The following RBMS3 variants were observed in gnomAD, a reference collection of about 807,000 sequenced individuals.
RBMS3 encodes the protein RNA-binding motif, single-stranded-interacting protein 3.
Under a neutral mutation model 66.8 loss-of-function variants are expected in RBMS3, and 27 were observed. That is an observed-to-expected ratio of 0.40 (90% CI 0.30 to 0.56). The LOEUF is 0.56. Among genes scored for constraint, RBMS3 ranks in the 20% least tolerant of loss-of-function variants. RBMS3 has a pLI of 0.40. For synonymous variants in RBMS3, 188 were observed against 183.0 expected (o/e 1.03, Z -0.22); for missense variants, 513 against 549.5 (o/e 0.93, Z 0.66).
chr3:29,756,673 CA>C (rs1393481723), intron 5 of RBMS3, among the ~76,000 whole-genome samples: 2 of 152,092 alleles, frequency 1.3e-5, no homozygotes, highest in Non-Finnish European at 2.9e-5. Context: ...GGGGACACAG[CA>C]AAACCATATC....
intron 12 of RBMS3, among the ~76,000 whole-genome samples, chr3:29,963,198 T>C (rs1696599406): frequency 6.6e-6 from 1 of 152,188 alleles, no homozygotes; most frequent in African/African-American, 2.4e-5. Context: ...TAAACATCAT[T>C]TCCCAAACAT....
chr3:29,419,438 A>C (rs916905595), intron 1 of RBMS3, among the ~76,000 whole-genome samples: 2 of 152,126 alleles, frequency 1.3e-5, no homozygotes, highest in African/African-American at 4.8e-5. Context: ...GTGTAGGTTA[A>C]ATTTTTATCA....
intron 6 of RBMS3, among the ~76,000 whole-genome samples, chr3:29,771,710 A>G (rs929593626): frequency 2.6e-5 from 4 of 151,968 alleles, no homozygotes; most frequent in African/African-American, 9.7e-5. Context: ...CTGGTTCCAC[A>G]GGGTGTATAG....
At chr3:29,532,324 G>A (rs2148995431) in intron 3 of RBMS3, among the ~76,000 whole-genome samples, 2 of 141,880 alleles carry the variant, frequency 1.4e-5, no homozygotes, top group South Asian at 2.2e-4. Context: ...TGCTTTTTAA[G>A]TTGGTACGTC....
chr3:29,402,658 G>A (rs1173008369), intron 1 of RBMS3, among the ~76,000 whole-genome samples: 3 of 152,022 alleles, frequency 2.0e-5, no homozygotes, highest in Non-Finnish European at 2.9e-5. Context: ...TCAAAGAGCT[G>A]ATGATTTTGA....
chr3:29,521,328 C>T lies in RBMS3; in HGVS notation c.307+32829C>T, dbSNP rs140678603. 2.4e-4 allele frequency among the ~76,000 whole-genome samples: 37 copies of T among 152,244 alleles called. 1 individual carries two copies. In the East Asian group the frequency reaches 6.9e-3, roughly 29 times the overall value. On this transcript the variant is annotated intron_variant, in intron 3 of 14. Coordinates refer to ENST00000383767, the MANE Select transcript of RBMS3 (RefSeq NM_001003793.3). ...CTAGTACATTTATCATTACTTGTTA[C>T]TTAATATTTTGTTGACATCTCAAAA... is the stretch of plus-strand genomic sequence containing the variant.
chr3:29,394,215 G>A (rs1036141434), intron 1 of RBMS3, among the ~76,000 whole-genome samples: 1 of 152,094 alleles, frequency 6.6e-6, no homozygotes, highest in Non-Finnish European at 1.5e-5. Flanking sequence ...TTCTTGCTGG[G>A]AAAATAATTC....
chr3:29,595,056 G>A (rs62236042), intron 4 of RBMS3, among the ~76,000 whole-genome samples: 22,638 of 152,124 alleles, frequency 0.15, 1,938 homozygotes, highest in East Asian at 0.32. Flanking sequence ...AGTTGACTAG[G>A]CACTTAGTTA....
intron 6 of RBMS3, among the ~76,000 whole-genome samples, chr3:29,825,415 A>G (rs2058186016): frequency 6.6e-6 from 1 of 152,036 alleles, no homozygotes; most frequent in African/African-American, 2.4e-5. Context: ...CCCAAATCTC[A>G]TCTTGAATTT....
intron 2 of RBMS3, among the ~76,000 whole-genome samples, chr3:29,462,258 C>T (rs998936176): frequency 2.0e-5 from 3 of 152,146 alleles, no homozygotes; most frequent in African/African-American, 4.8e-5. Context: ...TTGTCAATGT[C>T]GTTATCATCA....
At chr3:29,733,883 T>A (rs760174711) in intron 4 of RBMS3, among the ~76,000 whole-genome samples, 1 of 152,158 alleles carries the variant, frequency 6.6e-6, no homozygotes, top group South Asian at 2.1e-4. Flanking sequence ...TTGGGGGTCT[T>A]ACATTTAAGT....
chr3:29,847,770 C>T (rs1187891778), intron 6 of RBMS3, among the ~76,000 whole-genome samples: 3 of 152,122 alleles, frequency 2.0e-5, no homozygotes, highest in Non-Finnish European at 4.4e-5. Flanking sequence ...ATTCTCCTGC[C>T]TCAGCCTCCC....
At position 29,490,428 on chromosome 3, in the gene RBMS3, G is replaced by A. The variant is rs545598967; in HGVS notation, c.307+1929G>A. 2.0e-5 allele frequency among the ~76,000 whole-genome samples: 3 copies of A among 152,256 alleles called. No individual in the cohort carries two copies. The East Asian group carries it at 5.8e-4, about 30-fold the overall frequency. The stretch of plus-strand genomic sequence containing the variant: ...GGCTATTGACTCTAACAGTGAAAGA[G>A]AGGAATGTATGAAACAAACCCTACA... On this transcript the variant is annotated intron_variant, in intron 3 of 14. Coordinates refer to ENST00000383767, the MANE Select transcript of RBMS3 (RefSeq NM_001003793.3).
intron 1 of RBMS3, among the ~76,000 whole-genome samples, chr3:29,365,956 C>T (rs1376270751): frequency 6.6e-6 from 1 of 152,072 alleles, no homozygotes; most frequent in East Asian, 1.9e-4. Context: ...CTGGGAACCT[C>T]ATATTTGAAT....
chr3:29,788,381 A>G (rs1576806871), intron 6 of RBMS3, among the ~76,000 whole-genome samples: 1 of 152,072 alleles, frequency 6.6e-6, no homozygotes, highest in South Asian at 2.1e-4. Flanking sequence ...ATGTGCCACC[A>G]CGTCCGGCTA....
chr3:29,975,558 T>A (rs1217412104), intron 12 of RBMS3, among the ~76,000 whole-genome samples: 1 of 151,884 alleles, frequency 6.6e-6, no homozygotes, highest in African/African-American at 2.4e-5. Context: ...TTACATCAAC[T>A]ATATATATAA....
intron 2 of RBMS3, among the ~76,000 whole-genome samples, chr3:29,471,974 T>C (rs2042744073): frequency 6.6e-6 from 1 of 152,122 alleles, no homozygotes; most frequent in Non-Finnish European, 1.5e-5. Context: ...CTTCTCCATG[T>C]CTATGTATCT....
At chr3:29,719,931 ATTTT>A (rs5847587) in intron 4 of RBMS3, among the ~76,000 whole-genome samples, 2 of 146,406 alleles carry the variant, frequency 1.4e-5, no homozygotes, top group African/African-American at 5.0e-5. Context: ...TTACAGATAC[ATTTT>A]TTTTTTTTTT....
intron 8 of RBMS3, among the ~76,000 whole-genome samples, chr3:29,894,684 A>C (rs1440869746): frequency 6.6e-6 from 1 of 151,582 alleles, no homozygotes; most frequent in Non-Finnish European, 1.5e-5. Context: ...CATTCAGTCC[A>C]TAACATATAA....
Sources: gnomAD v4.1 joint callset for allele counts (sites outside exome capture counted in the v4.1 genomes callset) on GRCh38, gnomAD v4.1.1 for gene constraint, MANE v1.5 for transcripts, NCBI Gene and HGNC (gene_info 2026-07-23, HGNC 2026-07-21) for gene names.